Variants in CORO2A observed in about 807,000 individuals in gnomAD.
The protein encoded by CORO2A is coronin 2A, also known as coronin-2A.
CORO2A carries 47 observed loss-of-function variants against 62.4 expected under a neutral mutation model. The observed-to-expected ratio is 0.75, with a 90% CI of 0.60 to 0.96. The LOEUF is 0.96. Among genes scored for constraint, CORO2A ranks in the 40% least tolerant of loss-of-function variants. The pLI is 0.00. For missense variants in CORO2A, 610 were observed against 684.1 expected, an observed-to-expected ratio of 0.89 and a Z score of 1.21; for synonymous variants, 273 against 268.9, an observed-to-expected ratio of 1.02 and a Z score of -0.15.
chr9:98,167,570 G>T (rs570643750), intron 1 of CORO2A, among the ~76,000 whole-genome samples: 1 of 152,304 alleles, frequency 6.6e-6, no homozygotes, highest in African/African-American at 2.4e-5. Context: ...GTTCAGAAGA[G>T]ACTTAAGAGA....
intron 1 of CORO2A, among the ~76,000 whole-genome samples, chr9:98,192,272 A>C (rs760365247): frequency 6.6e-6 from 1 of 152,172 alleles, no homozygotes; most frequent in Middle Eastern, 3.2e-3. Context: ...GACAGTGCTC[A>C]TGAGGGCAGC....
At position 98,133,111 on chromosome 9, in the gene CORO2A, C is replaced by G. The variant is rs756943533; in HGVS notation, c.575G>C (p.Gly192Ala). 3 of 1,614,084 alleles carry G rather than the reference C, an allele frequency of 1.9e-6. No individual in the cohort carries two copies. Among genetic ancestry groups the G allele is most frequent in the Non-Finnish European group, 2.5e-6 (3 of 1,180,036 alleles). ...VILSMSFNTNGSLLATTCKDR... is the reference protein window; with the variant it reads ...VILSMSFNTNASLLATTCKDR... ...TTTGCAGGTGGTGGCCAACAGGCTGCCGTTGGTGTTGAAGGACATGGAGAG... is the reference window on the plus strand; with the variant it reads ...TTTGCAGGTGGTGGCCAACAGGCTGGCGTTGGTGTTGAAGGACATGGAGAG... The change falls in exon 5 of 12, where the codon GGC (glycine) becomes GCC (alanine). Residue 192 changes from glycine to alanine, a missense_variant. Gly to Ala is a moderately conservative substitution (Grantham distance 60). Transcript: ENST00000375077.
In CORO2A at chr9:98,130,976, G is replaced by A; in HGVS notation, c.849C>T (p.Ser283=). Residue 283 remains serine, a synonymous_variant, in exon 7 of 12, where the codon AGC becomes AGT. Transcript: ENST00000375077. ...CGACCTTCCCCACCACGTAGAGCAT[G>A]CTGGTGTCCGCGTCATAGAAGGGAA... The part of the protein sequence containing the change: ...VLFPFYDADT[S]MLYVVGKGDG... 6.2e-7 allele frequency: 1 copy of A among 1,613,914 alleles called. No homozygotes were observed. Among genetic ancestry groups the A allele is most frequent in the Middle Eastern group, 1.7e-4 (1 of 6,044 alleles).
chr9:98,151,672 T>C (rs893520037), intron 2 of CORO2A, among the ~76,000 whole-genome samples: 1 of 152,168 alleles, frequency 6.6e-6, no homozygotes, highest in African/African-American at 2.4e-5. Context: ...TCGCTATTTT[T>C]CTTTTTTTGA....
intron 1 of CORO2A, among the ~76,000 whole-genome samples, chr9:98,177,726 T>C (rs1379595363): frequency 6.7e-6 from 1 of 150,106 alleles, no homozygotes; most frequent in Non-Finnish European, 1.5e-5. Flanking sequence ...ACTTTTTTGA[T>C]CATTCACTCC....
intron 7 of CORO2A, among the ~76,000 whole-genome samples, chr9:98,130,550 T>C (rs142358735): frequency 9.8e-5 from 15 of 152,356 alleles, no homozygotes; most frequent in Admixed American, 1.3e-4. Context: ...CCAGAAGGTC[T>C]TACCATGGGG....
At chr9:98,139,042 T>C (rs1013573347) in intron 2 of CORO2A, among the ~76,000 whole-genome samples, 4 of 120,010 alleles carry the variant, frequency 3.3e-5, no homozygotes, top group African/African-American at 1.3e-4. Flanking sequence ...CAAGATTCTG[T>C]CTCAAAAAAA....
intron 2 of CORO2A, 73 bp downstream of exon 2, chr9:98,157,387 C>A (rs758934534): frequency 9.0e-6 from 13 of 1,444,982 alleles, no homozygotes; most frequent in Non-Finnish European, 1.2e-5. Context: ...TTTCTAGAAA[C>A]CCAGGCTCTT....
chr9:98,174,809 CT>C (rs1828086898), intron 1 of CORO2A, among the ~76,000 whole-genome samples: 1 of 152,170 alleles, frequency 6.6e-6, no homozygotes, highest in African/African-American at 2.4e-5. Context: ...AATTAAACCT[CT>C]TTCCTTTATA....
chr9:98,147,649 A>G (rs2795489), intron 2 of CORO2A, among the ~76,000 whole-genome samples: 113,377 of 152,046 alleles, frequency 0.75, 42,469 homozygotes, highest in African/African-American at 0.77. Context: ...GATAAACAAC[A>G]AATATTTTAG....
rs748837167 is a variant in CORO2A, at chr9:98,133,035, G to C, written c.648+3C>G. The C allele has an allele frequency of 6.2e-7, 1 of 1,614,106 alleles. No individual in the cohort carries two copies. Among genetic ancestry groups the C allele is most frequent in the Non-Finnish European group, 8.5e-7 (1 of 1,179,988 alleles). On this transcript the variant is annotated splice_donor_region_variant and intron_variant, in intron 5 of 11. Coordinates refer to ENST00000375077, the MANE Select transcript of CORO2A (RefSeq NM_052820.4). ...CTGAGCCAGCCCCTGGCCCAGAACT[G>C]ACCTGGAGGACGGTCCCTGCTCGGG...
At chr9:98,143,871 A>C (rs1386088486) in intron 2 of CORO2A, among the ~76,000 whole-genome samples, 15 of 152,242 alleles carry the variant, frequency 9.9e-5, no homozygotes, top group Non-Finnish European at 1.5e-5. Flanking sequence ...GAATGCAGGC[A>C]GCTGGATCAG....
chr9:98,133,195 G>A lies in CORO2A; in HGVS notation c.491C>T (p.Thr164Ile). Residue 164 changes from threonine (T) to isoleucine (I), a missense_variant, in exon 5 of 12, where the codon ACA (threonine) becomes ATA (isoleucine). Thr to Ile is a moderately conservative substitution (Grantham distance 89). Coordinates refer to ENST00000375077, the MANE Select transcript of CORO2A (RefSeq NM_052820.4). ...GGGGCTTGTGATGACAGACTCCTTT[G>A]TATCCAGGTTCCAGATCATCACCTG... is the stretch of plus-strand genomic sequence containing the variant. The part of the protein sequence containing the change: ...DYKVMIWNLD[T>I]KESVITSPMS... 1 of 1,614,224 alleles carries A rather than the reference G, an allele frequency of 6.2e-7. No individual in the cohort carries two copies. The highest frequency in any genetic ancestry group is 8.5e-7 in the Non-Finnish European group (1 of 1,180,028).
At chr9:98,185,870 C>T (rs1262146232) in intron 1 of CORO2A, among the ~76,000 whole-genome samples, 1 of 152,242 alleles carries the variant, frequency 6.6e-6, no homozygotes, top group African/African-American at 2.4e-5. Flanking sequence ...TCCCTGGCAG[C>T]AGGCAGCCCC....
At chr9:98,177,822 C>T (rs1280011691) in intron 1 of CORO2A, among the ~76,000 whole-genome samples, 1 of 151,740 alleles carries the variant, frequency 6.6e-6, no homozygotes, top group Non-Finnish European at 1.5e-5. Context: ...CCTCGCAAGA[C>T]AAAACGTATA....
chr9:98,139,628 AAAAT>A (rs370430894), intron 2 of CORO2A, among the ~76,000 whole-genome samples: 44 of 152,264 alleles, frequency 2.9e-4, no homozygotes, highest in African/African-American at 9.4e-4. Flanking sequence ...CTCCGTCTCA[AAAAT>A]AAATAAATAA....
chr9:98,153,607 C>T (rs556671864), intron 2 of CORO2A, among the ~76,000 whole-genome samples: 5 of 149,784 alleles, frequency 3.3e-5, no homozygotes, highest in South Asian at 4.3e-4. Context: ...TGGGGTCTTG[C>T]TATACTGCCC....
chr9:98,181,277 C>G (rs989991383), intron 1 of CORO2A, among the ~76,000 whole-genome samples: 1 of 151,918 alleles, frequency 6.6e-6, no homozygotes, highest in African/African-American at 2.4e-5. Flanking sequence ...GTACCCAATG[C>G]CAATCCATCA....
intron 10 of CORO2A, chr9:98,127,079 C>T (rs1027641960): frequency 1.8e-6 from 1 of 556,220 alleles, no homozygotes; most frequent in Non-Finnish European, 3.2e-6. Flanking sequence ...GAAGCAGCCC[C>T]CAAACACTTC....
Sources: allele counts gnomAD v4.1 joint callset (sites outside exome capture counted in the v4.1 genomes callset), GRCh38; gene constraint gnomAD v4.1.1; transcripts MANE v1.5; gene names NCBI Gene and HGNC (gene_info 2026-07-23, HGNC 2026-07-21).